ARHGAP26: variants seen among roughly 807,000 people sequenced by gnomAD.
ARHGAP26 encodes Rho GTPase activating protein 26, also known as rho GTPase-activating protein 26.
In ARHGAP26, 38 loss-of-function variants were observed where a neutral mutation model predicts 104.8. The ratio of observed to expected loss-of-function variants is 0.36; its 90% confidence interval spans 0.28 to 0.48. The LOEUF (loss-of-function observed/expected upper bound fraction) is 0.48. ARHGAP26 is among the 20% of genes least tolerant of loss of function. The pLI, the probability that ARHGAP26 is intolerant of heterozygous loss-of-function variation, is 0.99. For synonymous variants in ARHGAP26, 341 were observed against 340.0 expected (o/e 1.00, Z -0.03); for missense variants, 704 against 947.9 (o/e 0.74, Z 3.38).
intron 4 of ARHGAP26, among the ~76,000 whole-genome samples, chr5:142,880,843 T>A (rs1043503709): frequency 3.3e-5 from 5 of 152,302 alleles, no homozygotes; most frequent in African/African-American, 9.6e-5. Flanking sequence ...AAAGATGATG[T>A]TTAGTCAGGG....
chr5:142,901,138 T>G (rs970838114), intron 6 of ARHGAP26, among the ~76,000 whole-genome samples: 4 of 152,150 alleles, frequency 2.6e-5, no homozygotes, highest in African/African-American at 9.7e-5. Flanking sequence ...TTAGTTTGGA[T>G]AAATGAAGGC....
At chr5:142,853,621 G>A (rs547879198) in intron 1 of ARHGAP26, among the ~76,000 whole-genome samples, 1 of 152,314 alleles carries the variant, frequency 6.6e-6, no homozygotes, top group South Asian at 2.1e-4. Flanking sequence ...AGGGATTTGG[G>A]GAGAGTTGAA....
At chr5:143,019,692 G>A (rs1780063374) in intron 12 of ARHGAP26, among the ~76,000 whole-genome samples, 1 of 152,180 alleles carries the variant, frequency 6.6e-6, no homozygotes, top group Admixed American at 6.5e-5. Flanking sequence ...GAGAAGGGCA[G>A]GCTCTTACAG....
chr5:143,175,533 T>G (rs1007686173), intron 20 of ARHGAP26, among the ~76,000 whole-genome samples: 1 of 151,852 alleles, frequency 6.6e-6, no homozygotes, highest in Non-Finnish European at 1.5e-5. Context: ...TCGAAAAAAA[T>G]GGTACACTTT....
At position 143,222,915 on chromosome 5, in the gene ARHGAP26, C is replaced by G. The variant is rs1599589611; in HGVS notation, c.*469C>G. ...AATAGGCACTCTCTCTACCCCACCTCTCAGTACTTGAGACTTAAAGTGCTA... is the reference window on the plus strand; with the variant it reads ...AATAGGCACTCTCTCTACCCCACCTGTCAGTACTTGAGACTTAAAGTGCTA... On this transcript the variant is annotated 3_prime_UTR_variant, in exon 23 of 23. Coordinates refer to ENST00000645722, the MANE Select transcript of ARHGAP26 (RefSeq NM_001135608.3). 1 of 233,504 alleles carries G rather than the reference C, an allele frequency of 4.3e-6. No homozygotes were observed. The highest frequency in any genetic ancestry group is 6.0e-5 in the East Asian group (1 of 16,566). The allele number at this position is 233,504 out of a possible 1,614,324, so 14.5% of individuals were successfully genotyped here. A position where few individuals can be genotyped will look rare whatever the true frequency, so the allele number is the denominator to read the frequency against.
At chr5:143,207,707 T>C (rs139860747) in intron 21 of ARHGAP26, among the ~76,000 whole-genome samples, 1 of 152,280 alleles carries the variant, frequency 6.6e-6, no homozygotes, top group African/African-American at 2.4e-5. Context: ...AACCAGACTC[T>C]GGTTTTGATG....
At chr5:143,153,837 C>T (rs1599262837) in intron 20 of ARHGAP26, among the ~76,000 whole-genome samples, 1 of 152,196 alleles carries the variant, frequency 6.6e-6, no homozygotes, top group Non-Finnish European at 1.5e-5. Flanking sequence ...AAAAGACGCA[C>T]GCATGCCAAA....
chr5:142,942,414 G>A (rs1042244432), intron 11 of ARHGAP26, among the ~76,000 whole-genome samples: 1 of 152,130 alleles, frequency 6.6e-6, no homozygotes, highest in African/African-American at 2.4e-5. Context: ...CATGAAATAA[G>A]ATATCTGGGC....
At chr5:143,061,794 C>T (rs1021171672) in intron 17 of ARHGAP26, among the ~76,000 whole-genome samples, 21 of 152,200 alleles carry the variant, frequency 1.4e-4, no homozygotes, top group Admixed American at 5.2e-4. Flanking sequence ...GCTAGCTCCT[C>T]GCAGAGTCCC....
intron 1 of ARHGAP26, among the ~76,000 whole-genome samples, chr5:142,869,560 T>C (rs554305006): frequency 4.6e-5 from 7 of 152,216 alleles, no homozygotes; most frequent in African/African-American, 1.7e-4. Flanking sequence ...ATACACAATT[T>C]TGGTAACTTT....
chr5:143,030,594 A>G (rs948024512), intron 12 of ARHGAP26, among the ~76,000 whole-genome samples: 1 of 148,642 alleles, frequency 6.7e-6, no homozygotes, highest in East Asian at 1.9e-4. Flanking sequence ...TAACCTTTAT[A>G]TCATCACAAA....
At chr5:143,200,622 CAA>C (rs1315923133) in intron 20 of ARHGAP26, among the ~76,000 whole-genome samples, 3 of 152,118 alleles carry the variant, frequency 2.0e-5, no homozygotes, top group African/African-American at 4.8e-5. Context: ...AGAAATATGC[CAA>C]AGTGTTAACA....
intron 17 of ARHGAP26, among the ~76,000 whole-genome samples, chr5:143,100,778 C>T (rs547328969): frequency 6.6e-6 from 1 of 152,290 alleles, no homozygotes. Context: ...TGAATGGGTA[C>T]ATGTATCTCC....
chr5:143,136,897 TATATTTCC>T (rs1353420452), intron 19 of ARHGAP26, among the ~76,000 whole-genome samples: 8 of 152,228 alleles, frequency 5.3e-5, no homozygotes, highest in African/African-American at 1.9e-4. Flanking sequence ...AAAAAAGGTA[TATATTTCC>T]ATATAACAGT....
At chr5:142,836,629 A>C (rs548424913) in intron 1 of ARHGAP26, among the ~76,000 whole-genome samples, 26 of 152,304 alleles carry the variant, frequency 1.7e-4, no homozygotes, top group Non-Finnish European at 3.7e-4. Flanking sequence ...TACTTAGAAG[A>C]GTAAGGATTG....
At chr5:143,207,703 ACT>A (rs1321641273) in intron 21 of ARHGAP26, among the ~76,000 whole-genome samples, 4 of 152,126 alleles carry the variant, frequency 2.6e-5, no homozygotes, top group African/African-American at 4.8e-5. Context: ...CCTGAACCAG[ACT>A]CTGGTTTTGA....
chr5:142,864,609 G>A (rs1449750587), intron 1 of ARHGAP26, among the ~76,000 whole-genome samples: 2 of 152,204 alleles, frequency 1.3e-5, no homozygotes, highest in Admixed American at 6.5e-5. Context: ...TTGCTTAATT[G>A]TTATGGTAAT....
intron 12 of ARHGAP26, among the ~76,000 whole-genome samples, chr5:143,034,246 G>A (rs1268503296): frequency 6.6e-6 from 1 of 152,114 alleles, no homozygotes; most frequent in Non-Finnish European, 1.5e-5. Context: ...CCACTCCTAG[G>A]TGTATACTCA....
chr5:142,855,236 G>A (rs1205445770), intron 1 of ARHGAP26, among the ~76,000 whole-genome samples: 3 of 152,184 alleles, frequency 2.0e-5, no homozygotes, highest in African/African-American at 7.2e-5. Flanking sequence ...AAGGGCAGGG[G>A]TGGGAAGACA....
Sources: allele counts gnomAD v4.1 joint callset (sites outside exome capture counted in the v4.1 genomes callset), GRCh38; gene constraint gnomAD v4.1.1; transcripts MANE v1.5; gene names NCBI Gene and HGNC (gene_info 2026-07-23, HGNC 2026-07-21).